ZFAT: variants seen among roughly 807,000 people sequenced by gnomAD.
ZFAT encodes the protein zinc finger protein ZFAT.
Under a neutral mutation model 117.7 loss-of-function variants are expected in ZFAT, and 64 were observed. The ratio of observed to expected loss-of-function variants is 0.54; its 90% confidence interval spans 0.44 to 0.67. The LOEUF (loss-of-function observed/expected upper bound fraction) is 0.67. Among genes scored for constraint, ZFAT ranks in the 30% least tolerant of loss-of-function variants. The pLI, the probability that ZFAT is intolerant of heterozygous loss-of-function variation, is 0.00. For synonymous variants in ZFAT, 679 were observed against 615.0 expected (o/e 1.10, Z -1.54); for missense variants, 1,433 against 1,584.5 (o/e 0.90, Z 1.62).
chr8:134,524,003 G>T (rs868069364), intron 12 of ZFAT, among the ~76,000 whole-genome samples: 1 of 152,038 alleles, frequency 6.6e-6, no homozygotes, highest in Non-Finnish European at 1.5e-5. Context: ...GAACTTCAGG[G>T]GCATCATCCA....
At chr8:134,746,716 A>G in the ZFAT span, among the ~76,000 whole-genome samples, 1 of 152,178 alleles carries the variant, frequency 6.6e-6, no homozygotes, top group African/African-American at 2.4e-5. Context: ...TTCATAAGTA[A>G]GTTTTTTAGC....
intron 3 of ZFAT, among the ~76,000 whole-genome samples, chr8:134,621,643 T>C (rs1393515683): frequency 6.6e-6 from 1 of 152,196 alleles, no homozygotes; most frequent in Non-Finnish European, 1.5e-5. Context: ...TTTTTTTAAC[T>C]GGCAGGAGCT....
At chr8:134,536,768 G>A (rs1034870547) in intron 11 of ZFAT, among the ~76,000 whole-genome samples, 13 of 152,086 alleles carry the variant, frequency 8.5e-5, no homozygotes, top group African/African-American at 2.9e-4. Context: ...ACAGGTTTTG[G>A]GACTTAAATA....
intron 1 of ZFAT, among the ~76,000 whole-genome samples, chr8:134,678,355 G>C (rs925059133): frequency 6.6e-6 from 1 of 152,084 alleles, no homozygotes; most frequent in Non-Finnish European, 1.5e-5. Flanking sequence ...GCTACAAAGA[G>C]AATAAAATAC....
chr8:134,543,853 G>A (rs754158401), intron 11 of ZFAT, among the ~76,000 whole-genome samples: 1 of 152,156 alleles, frequency 6.6e-6, no homozygotes, highest in Non-Finnish European at 1.5e-5. Flanking sequence ...GGATGACACT[G>A]TATAAATACC....
chr8:134,710,180 G>A, intron 1 of ZFAT, among the ~76,000 whole-genome samples: 1 of 152,164 alleles, frequency 6.6e-6, no homozygotes. Flanking sequence ...CGTGGGAGGA[G>A]GAAGGCACCA....
At chr8:134,573,264 C>CGT (rs150641977) in intron 10 of ZFAT, among the ~76,000 whole-genome samples, 7 of 151,418 alleles carry the variant, frequency 4.6e-5, no homozygotes, top group East Asian at 3.9e-4. Flanking sequence ...GTGTGTGTGC[C>CGT]GTGTGTGTGT....
intron 4 of ZFAT, among the ~76,000 whole-genome samples, chr8:134,610,073 C>T (rs933280160): frequency 2.0e-5 from 3 of 152,212 alleles, no homozygotes; most frequent in African/African-American, 7.2e-5. Context: ...GGAGCAGCAG[C>T]CTGCATGCGT....
At chr8:134,612,788 A>G (rs1287345684) in intron 3 of ZFAT, among the ~76,000 whole-genome samples, 1 of 152,206 alleles carries the variant, frequency 6.6e-6, no homozygotes, top group African/African-American at 2.4e-5. Flanking sequence ...GGCTAAACGG[A>G]AAAAGTCAAG....
At chr8:134,696,321 G>A (rs1182334090) in intron 1 of ZFAT, 17 of 941,024 alleles carry the variant, frequency 1.8e-5, no homozygotes, top group Non-Finnish European at 2.2e-5. Context: ...CAGCGTTCCT[G>A]CCAGGAGTTG....
At chr8:134,647,853 A>C (rs1830990580) in intron 2 of ZFAT, among the ~76,000 whole-genome samples, 1 of 152,180 alleles carries the variant, frequency 6.6e-6, no homozygotes, top group African/African-American at 2.4e-5. Context: ...AAGACGACAC[A>C]AATAAATGGA....
At chr8:134,610,265 G>A (rs965193990) in intron 4 of ZFAT, among the ~76,000 whole-genome samples, 3 of 152,196 alleles carry the variant, frequency 2.0e-5, no homozygotes, top group Non-Finnish European at 2.9e-5. Flanking sequence ...GGCCCTCACA[G>A]CAGCCCTCAC....
the ZFAT span, among the ~76,000 whole-genome samples, chr8:134,737,496 C>T: frequency 3.9e-5 from 6 of 152,058 alleles, no homozygotes; most frequent in African/African-American, 1.4e-4. Flanking sequence ...GTCATGGGGG[C>T]TGGGAGGACA....
At chr8:134,613,781 T>C (rs1370250212) in intron 3 of ZFAT, among the ~76,000 whole-genome samples, 6 of 152,146 alleles carry the variant, frequency 3.9e-5, no homozygotes, top group Non-Finnish European at 7.3e-5. Context: ...AAGTACCGCC[T>C]CTCTTCCTCA....
At chr8:134,734,730 C>T in the ZFAT span, among the ~76,000 whole-genome samples, 3 of 152,180 alleles carry the variant, frequency 2.0e-5, no homozygotes, top group Non-Finnish European at 4.4e-5. Flanking sequence ...GCATTCCTAA[C>T]ACCATGTGTT....
At chr8:134,645,282 G>T (rs2131146706) in intron 2 of ZFAT, among the ~76,000 whole-genome samples, 2 of 152,294 alleles carry the variant, frequency 1.3e-5, no homozygotes, top group South Asian at 4.1e-4. Context: ...AATTGTGAAG[G>T]TTAAACCTGA....
intron 9 of ZFAT, among the ~76,000 whole-genome samples, chr8:134,587,701 C>T (rs977326121): frequency 6.6e-6 from 1 of 152,194 alleles, no homozygotes; most frequent in African/African-American, 2.4e-5. Flanking sequence ...AGTGGCCCCA[C>T]ACTTCCCTTC....
the ZFAT span, among the ~76,000 whole-genome samples, chr8:134,763,889 C>T: frequency 6.6e-6 from 1 of 152,100 alleles, no homozygotes; most frequent in African/African-American, 2.4e-5. Flanking sequence ...TCTATTAAAC[C>T]ACACTTGGCC....
At chr8:134,672,735 T>C (rs1321832730) in intron 1 of ZFAT, among the ~76,000 whole-genome samples, 1 of 152,126 alleles carries the variant, frequency 6.6e-6, no homozygotes, top group Admixed American at 6.5e-5. Flanking sequence ...ATTTTTCAAA[T>C]GTTGAAAGAA....
Sources: gnomAD v4.1 joint callset for allele counts (sites outside exome capture counted in the v4.1 genomes callset) on GRCh38, gnomAD v4.1.1 for gene constraint, MANE v1.5 for transcripts, NCBI Gene and HGNC (gene_info 2026-07-23, HGNC 2026-07-21) for gene names.